The following CHFR variants were observed in gnomAD, a reference collection of about 807,000 sequenced individuals.
The protein encoded by CHFR is E3 ubiquitin-protein ligase CHFR.
A neutral mutation model predicts 87.6 loss-of-function variants in CHFR; 57 were observed. The ratio of observed to expected loss-of-function variants is 0.65; its 90% CI spans 0.53 to 0.81. The LOEUF is 0.81. CHFR is among the 30% of genes least tolerant of loss of function. CHFR has a pLI of 0.00. For synonymous variants in CHFR, 381 were observed against 359.2 expected (o/e 1.06, Z -0.69); for missense variants, 797 against 865.8 (o/e 0.92, Z 1.00).
chr12:132,847,219 C>G, intron 14 of CHFR, 89 bp from the exon 15 acceptor site: 2 of 1,556,538 alleles, frequency 1.3e-6, no homozygotes, highest in Non-Finnish European at 1.7e-6. Flanking sequence ...ATAAAAGGCC[C>G]CTGAAAGTGT....
chr12:132,847,017 G>A, intron 15 of CHFR, 26 bp downstream of exon 15: 1 of 1,563,354 alleles, frequency 6.4e-7, no homozygotes, highest in South Asian at 1.1e-5. Context: ...ATGCGCCTTA[G>A]AGCAGGAGGC....
At chr12:132,842,351 C>A (rs1255637755) in intron 17 of CHFR, among the ~76,000 whole-genome samples, 2 of 152,202 alleles carry the variant, frequency 1.3e-5, no homozygotes, top group East Asian at 1.9e-4. Flanking sequence ...CTTTTTGTAA[C>A]AACATGGTCT....
chr12:132,846,963 G>C, intron 15 of CHFR, 80 bp downstream of exon 15: 1 of 997,654 alleles, frequency 1.0e-6, no homozygotes, highest in Non-Finnish European at 1.6e-6. Context: ...GGTCGGAGTT[G>C]TCACTGGGAG....
intron 15 of CHFR, among the ~76,000 whole-genome samples, chr12:132,845,633 G>A (rs964217885): frequency 1.3e-5 from 2 of 152,070 alleles, no homozygotes; most frequent in African/African-American, 2.4e-5. Flanking sequence ...CTGGGCGACA[G>A]AGCAAGAACC....
At chr12:132,851,569 C>A in intron 12 of CHFR, 49 bp downstream of exon 12, 1 of 1,552,366 alleles carries the variant, frequency 6.4e-7, no homozygotes, top group Non-Finnish European at 8.7e-7. Flanking sequence ...AACCTGACCC[C>A]TGAAGGACAG....
chr12:132,874,803 GCCAGGCCCTGGAA>G (rs1951587203), intron 3 of CHFR, among the ~76,000 whole-genome samples: 1 of 147,554 alleles, frequency 6.8e-6, no homozygotes, highest in Admixed American at 6.7e-5. Flanking sequence ...GCGTGGGGAA[GCCAGGCCCTGGAA>G]CAGGCGGGAC....
chr12:132,834,533 G>A lies in CHFR; in HGVS notation c.*7021C>T, dbSNP rs1469855398. 2.0e-5 allele frequency: 3 copies of A among 152,208 alleles called. No homozygotes were observed. The highest frequency in any genetic ancestry group is 4.4e-5 in the Non-Finnish European group (3 of 68,064). 9.4% of individuals were successfully genotyped at this position (152,208 alleles called of 1,614,324 possible). A position where few individuals can be genotyped will look rare whatever the true frequency, so the allele number is the denominator to read the frequency against. On this transcript the variant is annotated 3_prime_UTR_variant, in exon 18 of 18. Transcript: ENST00000450056. ...GTTCTGGAGCTCGGAAGTCCAAAAT[G>A]AAGGGGCAGGCAGGGCTGGTTCCTT...
intron 7 of CHFR, 61 bp downstream of exon 7, chr12:132,861,406 G>A (rs775872286): frequency 8.5e-5 from 131 of 1,539,354 alleles, no homozygotes; most frequent in East Asian, 4.5e-4. Context: ...GCATGGCAGC[G>A]GCCCCCGCAT....
chr12:132,876,918 C>T (rs1951642698), intron 3 of CHFR, among the ~76,000 whole-genome samples: 2 of 152,156 alleles, frequency 1.3e-5, no homozygotes, highest in Admixed American at 1.3e-4. Context: ...TCTCAGCCTC[C>T]CGAGTAGCTG....
chr12:132,843,180 T>A, intron 16 of CHFR, 97 bp from the exon 17 acceptor site: 1 of 1,079,186 alleles, frequency 9.3e-7, no homozygotes, highest in Non-Finnish European at 1.4e-6. Context: ...GACGCTGCGG[T>A]GGAAACGCAC....
intron 3 of CHFR, among the ~76,000 whole-genome samples, chr12:132,874,174 T>A (rs939690871): frequency 6.6e-6 from 1 of 152,258 alleles, no homozygotes; most frequent in African/African-American, 2.4e-5. Flanking sequence ...TCCATAACTA[T>A]AGTAAGACAG....
intron 12 of CHFR, chr12:132,848,928 A>G: frequency 1.9e-6 from 1 of 527,420 alleles, no homozygotes; most frequent in Admixed American, 3.4e-5. Context: ...TCCCTGAAAA[A>G]AGGCGAGGCT....
At position 132,869,633 on chromosome 12, in the gene CHFR, C is replaced by T. The variant is rs765687815; in HGVS notation, c.569G>A (p.Arg190His). 2.8e-5 allele frequency: 43 copies of T among 1,551,472 alleles called. No homozygotes were observed. The highest frequency in any genetic ancestry group is 9.8e-5 in the Admixed American group (5 of 50,972). ...STEPSPAGRE[R>H]SSSCGSGGGG... is the part of the protein sequence containing the mutation. ...TGTGACCTCACCACAACTGGAGGAA[C>T]GCTCTCGCCCTGCAGGAGAAGGCTC... is the stretch of plus-strand genomic sequence containing the variant. Residue 190 changes from arginine to histidine, a missense_variant, in exon 6 of 18, where the codon CGT becomes CAT. Coordinates refer to ENST00000450056, the MANE Select transcript of CHFR (RefSeq NM_001161346.2).
At chr12:132,880,114 GA>G (rs1252074207) in intron 2 of CHFR, among the ~76,000 whole-genome samples, 10 of 152,156 alleles carry the variant, frequency 6.6e-5, no homozygotes, top group African/African-American at 2.4e-4. Context: ...AAGCAATTTT[GA>G]AAAAGAATGA....
chr12:132,845,254 G>T (rs1950793217), intron 15 of CHFR, among the ~76,000 whole-genome samples: 1 of 151,692 alleles, frequency 6.6e-6, no homozygotes, highest in Non-Finnish European at 1.5e-5. Flanking sequence ...AGGAGTTCGA[G>T]ACCAGCCTAA....
Position 132,851,712 on chromosome 12 carries a change from C to T in CHFR, c.1398G>A (p.Leu466=). ...AGGTGCACAGGGCGTGGCTTCCTTG[C>T]AGAGGGCACACGTAATCCTGGACTG... The part of the protein sequence containing the change: ...TTAVQDYVCP[L]QGSHALCTCC... Residue 466 remains leucine, a synonymous_variant, in exon 12 of 18, where the codon CTG becomes CTA. Transcript: ENST00000450056. The T allele has an allele frequency of 6.2e-7, 1 of 1,613,448 alleles. No homozygotes were observed.
At chr12:132,850,059 T>C (rs573985639) in intron 12 of CHFR, 1 of 152,250 alleles carries the variant, frequency 6.6e-6, no homozygotes, top group South Asian at 2.1e-4. Context: ...GTTCACGCCA[T>C]TCTCCTGCCT....
At chr12:132,857,279 G>T in intron 9 of CHFR, 126 bp downstream of exon 9, 2 of 949,796 alleles carry the variant, frequency 2.1e-6, no homozygotes, top group Non-Finnish European at 1.6e-6. Context: ...TCACGTGCCC[G>T]GGTGCTGGTG....
Position 132,859,049 on chromosome 12 carries a change from A to C in CHFR, c.911+19T>G. 2 of 1,607,448 alleles carry C rather than the reference A, an allele frequency of 1.2e-6. 1 individual carries two copies. The highest frequency in any genetic ancestry group is 3.3e-4 in the Middle Eastern group (2 of 6,032). On this transcript the variant is annotated intron_variant, in intron 8 of 17. Transcript: ENST00000450056. ...CTGCAGTGCCATGTTCCGTGAGCCA[A>C]GGGTGAACACGGTCGCACCTCACGC...
Sources: gnomAD v4.1 joint callset for allele counts (sites outside exome capture counted in the v4.1 genomes callset) on GRCh38, gnomAD v4.1.1 for gene constraint, MANE v1.5 for transcripts, NCBI Gene and HGNC (gene_info 2026-07-23, HGNC 2026-07-21) for gene names.